The following ZNF652 variants were observed in gnomAD, a reference collection of about 807,000 sequenced individuals.
ZNF652 encodes the protein zinc finger protein 652.
Under a neutral mutation model 45.2 loss-of-function variants are expected in ZNF652, and 16 were observed. The observed-to-expected ratio is 0.35, with a 90% CI of 0.24 to 0.54. The LOEUF is 0.54. Ranked by LOEUF, ZNF652 falls within the 20% of genes least tolerant of loss-of-function variation. The pLI is 0.91. For missense variants in ZNF652, 614 were observed against 765.6 expected (o/e 0.80, Z 2.34); for synonymous variants, 250 against 260.6 (o/e 0.96, Z 0.39).
Position 49,316,875 on chromosome 17 carries a change from T to A in ZNF652, c.851A>T (p.Glu284Val). The change falls in exon 2 of 6, where the codon GAA (glutamate) becomes GTA (valine). Residue 284 changes from glutamate to valine, a missense_variant. This residue lies in a region of ZNF652 where 262 missense variants were observed against 306.3 expected (regional missense o/e 0.86). Transcript: ENST00000430262. ...TTGCTGGTGAAGGGACAGCTCACTT[T>A]CCAGGACAAACTTCTTGCCACATTT... ...CDKCGKKFVL[E>V]SELSLHQQTD... is the part of the protein sequence containing the mutation. 2 of 1,614,142 alleles carry A rather than the reference T, an allele frequency of 1.2e-6. No individual in the cohort carries two copies. The highest frequency in any genetic ancestry group is 1.7e-6 in the Non-Finnish European group (2 of 1,180,012).
Position 49,292,104 on chromosome 17 carries a change from CAT to C in ZNF652, c.*6307_*6308del, listed in dbSNP as rs2069411757. On this transcript the variant is annotated 3_prime_UTR_variant, in exon 6 of 6. Coordinates refer to ENST00000430262, the MANE Select transcript of ZNF652 (RefSeq NM_001145365.3). ...GTACTATTAACTTTAAGGAAAAGGA[CAT>C]GAGATTTTAAGTCAGAAAGGAAAAA... 6.6e-6 allele frequency among the ~76,000 whole-genome samples: 1 copy of C among 152,130 alleles called. No individual in the cohort carries two copies. The highest frequency in any genetic ancestry group is 1.5e-5 in the Non-Finnish European group (1 of 68,028).
chr17:49,326,691 T>G (rs930411172), intron 1 of ZNF652, among the ~76,000 whole-genome samples: 5 of 152,216 alleles, frequency 3.3e-5, no homozygotes, highest in African/African-American at 1.2e-4. Context: ...CAGAATTTGT[T>G]GCAGCTCATC....
At chr17:49,299,526 G>A (rs1037240227) in intron 5 of ZNF652, among the ~76,000 whole-genome samples, 6 of 152,066 alleles carry the variant, frequency 3.9e-5, no homozygotes, top group Admixed American at 1.3e-4. Context: ...GACTACAGGT[G>A]TGCACCACCA....
At chr17:49,350,998 TATATATATATATATATAC>T (rs1325163602) in intron 1 of ZNF652, among the ~76,000 whole-genome samples, 961 of 22,458 alleles carry the variant, frequency 0.043, 15 homozygotes, top group African/African-American at 0.15. Flanking sequence ...TATATATATA[TATATATATATATATATAC>T]ACACACACAC....
intron 1 of ZNF652, among the ~76,000 whole-genome samples, chr17:49,328,148 A>G (rs1479313703): frequency 2.0e-5 from 3 of 152,102 alleles, no homozygotes; most frequent in Admixed American, 6.6e-5. Context: ...AAGCACTATT[A>G]TAAGTATTTG....
chr17:49,313,990 AAAAAAAAAAAAAAAAAAAAAAAAG>A (rs2069759365), intron 2 of ZNF652, among the ~76,000 whole-genome samples: 4 of 135,554 alleles, frequency 3.0e-5, no homozygotes, highest in South Asian at 2.4e-4. Context: ...AAAAAAAAAA[AAAAAAAAAAAAAAAAAAAAAAAAG>A]AAAAGAAAAG....
intron 5 of ZNF652, among the ~76,000 whole-genome samples, chr17:49,310,863 C>A (rs2143763592): frequency 6.6e-6 from 1 of 152,318 alleles, no homozygotes; most frequent in East Asian, 1.9e-4. Flanking sequence ...GATCGCGCCA[C>A]TGCCCTCCAG....
Position 49,317,737 on chromosome 17 carries a change from C to G in ZNF652, c.-12G>C. On this transcript the variant is annotated 5_prime_UTR_variant, in exon 2 of 6. Transcript: ENST00000430262. The stretch of plus-strand genomic sequence containing the variant: ...GCTGTGTGGCTCATTGGTAAGTGGC[C>G]CAATTTATTAAACAGTTCAGACTAT... The G allele has an allele frequency of 6.4e-7, 1 of 1,561,790 alleles. No individual in the cohort carries two copies. Among genetic ancestry groups the G allele is most frequent in the Non-Finnish European group, 8.7e-7 (1 of 1,150,992 alleles).
intron 5 of ZNF652, among the ~76,000 whole-genome samples, chr17:49,308,104 C>G (rs2069657972): frequency 6.6e-6 from 1 of 151,964 alleles, no homozygotes; most frequent in African/African-American, 2.4e-5. Flanking sequence ...GTGGTGATCT[C>G]TTGGTGGTAT....
At chr17:49,313,852 A>G (rs901457593) in intron 2 of ZNF652, among the ~76,000 whole-genome samples, 2 of 151,166 alleles carry the variant, frequency 1.3e-5, no homozygotes, top group Admixed American at 6.6e-5. Context: ...GCATGCCTGT[A>G]ATCCCAGCTA....
chr17:49,345,840 CAAA>C (rs11381958), intron 1 of ZNF652, among the ~76,000 whole-genome samples: 2 of 115,690 alleles, frequency 1.7e-5, no homozygotes, highest in Admixed American at 8.9e-5. Flanking sequence ...GACTCCATCT[CAAA>C]AAAAAAAAAA....
intron 1 of ZNF652, among the ~76,000 whole-genome samples, chr17:49,340,523 C>A (rs943172269): frequency 7.6e-6 from 1 of 131,728 alleles, no homozygotes; most frequent in African/African-American, 3.1e-5. Context: ...GCACTCCAGC[C>A]TGGGCAACAA....
Position 49,293,733 on chromosome 17 carries a change from C to T in ZNF652, c.*4680G>A, listed in dbSNP as rs2069435869. Reference sequence around the variant, plus strand: ...GGTTCAGGCAAAGGAAAATTAAAACCCAAACTTTACTTGCTCAATTTTATA... The same window carrying T: ...GGTTCAGGCAAAGGAAAATTAAAACTCAAACTTTACTTGCTCAATTTTATA... On this transcript the variant is annotated 3_prime_UTR_variant, in exon 6 of 6. Coordinates refer to ENST00000430262, the MANE Select transcript of ZNF652 (RefSeq NM_001145365.3). Among the ~76,000 whole-genome samples the T allele has an allele frequency of 6.7e-6, 1 of 148,668 alleles. No homozygotes were observed. The highest frequency in any genetic ancestry group is 6.7e-5 in the Admixed American group (1 of 14,868).
chr17:49,348,436 A>C (rs1180721632), intron 1 of ZNF652, among the ~76,000 whole-genome samples: 1 of 150,292 alleles, frequency 6.7e-6, no homozygotes, highest in African/African-American at 2.5e-5. Context: ...CAGTGAGCCA[A>C]GACTGAGCCT....
In ZNF652 at chr17:49,289,535, T is replaced by C. The variant is rs1005673933; in HGVS notation, c.*8878A>G. The C allele has an allele frequency of 2.0e-5, 3 of 152,222 alleles. No homozygotes were observed. Among genetic ancestry groups the C allele is most frequent in the East Asian group, 3.8e-4 (2 of 5,200 alleles). 9.4% of individuals were successfully genotyped at this position (152,222 alleles called of 1,614,324 possible). A position where few individuals can be genotyped will look rare whatever the true frequency, so the allele number is the denominator to read the frequency against. On this transcript the variant is annotated 3_prime_UTR_variant, in exon 6 of 6. Transcript: ENST00000430262. Reference sequence around the variant, plus strand: ...CTGACAGGATGCTGGAAAAAATGACTCAGGGAAGCCGGGCAGCATGGGCTC... The same window carrying C: ...CTGACAGGATGCTGGAAAAAATGACCCAGGGAAGCCGGGCAGCATGGGCTC...
intron 1 of ZNF652, among the ~76,000 whole-genome samples, chr17:49,343,448 A>C (rs991347081): frequency 6.6e-6 from 1 of 152,178 alleles, no homozygotes; most frequent in Non-Finnish European, 1.5e-5. Context: ...AAAGTGACAG[A>C]GCCCAAGAGG....
At chr17:49,347,640 CA>C (rs1298393350) in intron 1 of ZNF652, among the ~76,000 whole-genome samples, 1 of 151,642 alleles carries the variant, frequency 6.6e-6, no homozygotes, top group Non-Finnish European at 1.5e-5. Flanking sequence ...TAACAATACC[CA>C]AAAAGAGGCA....
At chr17:49,309,219 T>A (rs2069673796) in intron 5 of ZNF652, among the ~76,000 whole-genome samples, 1 of 147,076 alleles carries the variant, frequency 6.8e-6, no homozygotes, top group East Asian at 2.0e-4. Flanking sequence ...TGGCCAGGGG[T>A]GCTGGCTCAC....
intron 5 of ZNF652, among the ~76,000 whole-genome samples, chr17:49,306,918 A>G (rs1330959244): frequency 6.6e-6 from 1 of 151,568 alleles, no homozygotes; most frequent in East Asian, 2.0e-4. Flanking sequence ...ACACTTGGCT[A>G]ATTTTTTGTA....
Sources: allele counts gnomAD v4.1 joint callset (sites outside exome capture counted in the v4.1 genomes callset), GRCh38; gene constraint gnomAD v4.1.1; regional missense constraint gnomAD v4.1.1; transcripts MANE v1.5; gene names NCBI Gene and HGNC (gene_info 2026-07-23, HGNC 2026-07-21).